TMEM268: variants seen among roughly 807,000 people sequenced by gnomAD.
TMEM268 encodes transmembrane protein 268, also known as transmembrane protein C9orf91.
A neutral mutation model predicts 39.1 loss-of-function variants in TMEM268; 24 were observed. That is an observed-to-expected ratio of 0.61 (90% confidence interval 0.44 to 0.86). The LOEUF (loss-of-function observed/expected upper bound fraction) is 0.86, where lower values mean the gene tolerates loss of function less well. TMEM268 is among the 40% of genes least tolerant of loss of function. TMEM268 has a pLI of 0.00. For synonymous variants in TMEM268, 176 were observed against 173.5 expected (o/e 1.01, Z -0.12); for missense variants, 409 against 428.6 (o/e 0.95, Z 0.40).
rs1467115344 is a variant in TMEM268 at position 114,644,039 on chromosome 9, C to T, written c.*726C>T. ...GACTTATTTTGTTCACAGGCATGCA[C>T]GCTTGTGGTTGTGGTTTTATATTAC... On this transcript the variant is annotated 3_prime_UTR_variant, in exon 9 of 9. Transcript: ENST00000288502. 2.6e-5 allele frequency: 4 copies of T among 152,138 alleles called. No individual in the cohort carries two copies. Among genetic ancestry groups the T allele is most frequent in the South Asian group, 2.1e-4 (1 of 4,826 alleles). The allele number at this position is 152,138 out of a possible 1,614,324, so 9.4% of individuals were successfully genotyped here. A position where few individuals can be genotyped will look rare whatever the true frequency, so the allele number is the denominator to read the frequency against.
intron 5 of TMEM268, among the ~76,000 whole-genome samples, chr9:114,632,529 G>T (rs148140032): frequency 3.9e-5 from 6 of 152,248 alleles, no homozygotes; most frequent in African/African-American, 4.8e-5. Context: ...TCCCCCACCT[G>T]TTTAGCATCC....
At chr9:114,609,866 AAG>A (rs931514306), upstream of TMEM268, among the ~76,000 whole-genome samples, 6 of 151,846 alleles carry the variant, frequency 4.0e-5, no homozygotes, top group Non-Finnish European at 8.8e-5. Context: ...GAGAAAGAGA[AAG>A]AAAGAAATGC....
intron 2 of TMEM268, among the ~76,000 whole-genome samples, chr9:114,619,143 A>G (rs1331048575): frequency 6.6e-6 from 1 of 152,258 alleles, no homozygotes; most frequent in African/African-American, 2.4e-5. Context: ...TAAGGAAAGC[A>G]GTGTGTACAC....
rs1273386862 is a variant in TMEM268 at position 114,621,360 on chromosome 9, G to A, written c.107-2990G>A. ...GATGCTGTCTCAAAAAAAAAAAAAA[G>A]AAAAAGAACCTTTTCCTATCTTATT... is the stretch of plus-strand genomic sequence containing the variant. On this transcript the variant is annotated intron_variant, in intron 2 of 8. Coordinates refer to ENST00000288502, the MANE Select transcript of TMEM268 (RefSeq NM_153045.4). Among the ~76,000 whole-genome samples the A allele has an allele frequency of 6.8e-5, 9 of 132,542 alleles. No homozygotes were observed. The East Asian group carries it at 8.9e-4, about 13-fold the overall frequency. The allele number at this position is 132,542 out of a possible 152,430, so 87.0% of individuals were successfully genotyped here. A position where few individuals can be genotyped will look rare whatever the true frequency, so the allele number is the denominator to read the frequency against.
upstream of TMEM268, chr9:114,611,288 G>T (rs1845471238): frequency 6.6e-6 from 1 of 151,814 alleles, no homozygotes; most frequent in South Asian, 2.1e-4. Flanking sequence ...GGGGCGCTCG[G>T]CTGATGAAAC....
Position 114,627,014 on chromosome 9 carries a change from G to A in TMEM268, c.324+8G>A, listed in dbSNP as rs1030156092. ...CGGCTGGCCTTTGCTGTGGTAAGGG[G>A]GAGGTGGCCCGCACACTGACCCTGC... On this transcript the variant is annotated splice_region_variant and intron_variant, in intron 4 of 8. Transcript: ENST00000288502. The A allele has an allele frequency of 1.3e-6, 2 of 1,589,906 alleles. No homozygotes were observed. The highest frequency in any genetic ancestry group is 1.7e-6 in the Non-Finnish European group (2 of 1,158,666).
chr9:114,627,333 T>A (rs1448005073), intron 4 of TMEM268, among the ~76,000 whole-genome samples: 2 of 152,202 alleles, frequency 1.3e-5, no homozygotes, highest in African/African-American at 4.8e-5. Context: ...GAACTTGGTT[T>A]CCCCATCTGC....
chr9:114,607,316 T>C (rs1311278917), upstream of TMEM268, among the ~76,000 whole-genome samples: 1 of 152,152 alleles, frequency 6.6e-6, no homozygotes, highest in South Asian at 2.1e-4. Flanking sequence ...AAGGGGACAC[T>C]GAACAATGAC....
intron 2 of TMEM268, among the ~76,000 whole-genome samples, chr9:114,621,307 C>T (rs76561218): frequency 6.7e-6 from 1 of 149,222 alleles, no homozygotes; most frequent in Non-Finnish European, 1.5e-5. Flanking sequence ...GTTAGTGTCA[C>T]TGCACTCCAG....
At chr9:114,633,710 C>A in intron 5 of TMEM268, 58 bp from the exon 6 acceptor site, 2 of 909,470 alleles carry the variant, frequency 2.2e-6, no homozygotes, top group Non-Finnish European at 3.4e-6. Flanking sequence ...CTGCCCAGAG[C>A]CTGGGAGCTC....
chr9:114,619,215 GCTTCAC>G lies in TMEM268; in HGVS notation c.106+1915_106+1920del, dbSNP rs1459240504. Among the ~76,000 whole-genome samples the G allele has an allele frequency of 1.2e-4, 18 of 152,284 alleles. No individual in the cohort carries two copies. The East Asian group carries it at 3.3e-3, about 28-fold the overall frequency. On this transcript the variant is annotated intron_variant, in intron 2 of 8. Coordinates refer to ENST00000288502, the MANE Select transcript of TMEM268 (RefSeq NM_153045.4). ...TTTCTATCAGAACTTTGAAGACATT[GCTTCAC>G]TGATTTTTGGCACGTCAGTTCTTGT...
rs138583137 is a variant in TMEM268, at chr9:114,645,482, G to A, written c.*2169G>A. The A allele has an allele frequency of 6.6e-6, 1 of 152,470 alleles. No homozygotes were observed. The highest frequency in any genetic ancestry group is 2.4e-5 in the African/African-American group (1 of 41,564). The allele number at this position is 152,470 out of a possible 1,614,324, so 9.4% of individuals were successfully genotyped here. On this transcript the variant is annotated 3_prime_UTR_variant, in exon 9 of 9. Transcript: ENST00000288502. The stretch of plus-strand genomic sequence containing the variant: ...GAAGAGAGATCATGGGTATAGACCA[G>A]CCCCTGGAAAGGCTGCTTTGGTCAA...
rs928266602 is a variant in TMEM268 at position 114,639,906 on chromosome 9, T to C, written c.849+1180T>C. On this transcript the variant is annotated intron_variant, in intron 8 of 8. Transcript: ENST00000288502. ...GGCCTCTATTAAAATCTTTTATCTT[T>C]TTATATTAATTTTTAAATTTTTATT... 4.6e-5 allele frequency among the ~76,000 whole-genome samples: 7 copies of C among 150,750 alleles called. No individual in the cohort carries two copies. The South Asian group carries it at 1.3e-3, about 27-fold the overall frequency.
chr9:114,636,461 C>A (rs1216670832), intron 6 of TMEM268, among the ~76,000 whole-genome samples: 1 of 150,164 alleles, frequency 6.7e-6, no homozygotes, highest in Non-Finnish European at 1.5e-5. Flanking sequence ...AATGGGGCCG[C>A]AGCCATTTTG....
chr9:114,631,597 T>G (rs939194924), intron 5 of TMEM268, among the ~76,000 whole-genome samples: 1 of 152,180 alleles, frequency 6.6e-6, no homozygotes, highest in African/African-American at 2.4e-5. Flanking sequence ...GTTTAGTAAT[T>G]TGCCCAAGGT....
chr9:114,606,113 A>T, the TMEM268 span, among the ~76,000 whole-genome samples: 2 of 152,030 alleles, frequency 1.3e-5, no homozygotes, highest in Admixed American at 1.3e-4. Context: ...TTACCTAGTT[A>T]AAAAAGCCCA....
intron 6 of TMEM268, among the ~76,000 whole-genome samples, chr9:114,635,920 A>T (rs12555934): frequency 0.27 from 41,617 of 152,042 alleles, 6,052 homozygotes; most frequent in South Asian, 0.4. Flanking sequence ...TGAATATGCT[A>T]GGAAATTTTC....
At chr9:114,615,383 T>A (rs1845663617) in intron 1 of TMEM268, 1 of 152,288 alleles carries the variant, frequency 6.6e-6, no homozygotes, top group Admixed American at 6.5e-5. Flanking sequence ...GCTGAAGCTG[T>A]CTAAGATTAA....
Position 114,626,882 on chromosome 9 carries a change from C to A in TMEM268, c.217-17C>A. On this transcript the variant is annotated splice_polypyrimidine_tract_variant and intron_variant, in intron 3 of 8. Transcript: ENST00000288502. The stretch of plus-strand genomic sequence containing the variant: ...TGTCCTGCGGCTGATTGATCTCTTT[C>A]CCTGGGTTCCAAGCAGGTCCCGGCT... 2 of 1,584,950 alleles carry A rather than the reference C, an allele frequency of 1.3e-6. No individual in the cohort carries two copies.
Sources: allele counts gnomAD v4.1 joint callset (sites outside exome capture counted in the v4.1 genomes callset), GRCh38; gene constraint gnomAD v4.1.1; transcripts MANE v1.5; gene names NCBI Gene and HGNC (gene_info 2026-07-23, HGNC 2026-07-21).